Variants in AKNA observed in about 807,000 individuals in gnomAD.
AKNA encodes the protein microtubule organization protein AKNA.
A neutral mutation model predicts 138.8 loss-of-function variants in AKNA; 67 were observed. The ratio of observed to expected loss-of-function variants is 0.48; its 90% CI spans 0.40 to 0.59. The LOEUF is 0.59. Ranked by LOEUF, AKNA falls within the 20% of genes least tolerant of loss-of-function variation. AKNA has a pLI of 0.00. For missense variants in AKNA, 1,813 were observed against 1,880.4 expected (o/e 0.96, Z 0.66); for synonymous variants, 737 against 754.4 (o/e 0.98, Z 0.38).
chr9:114,341,608 G>A lies in AKNA; in HGVS notation c.3992C>T (p.Ala1331Val), dbSNP rs766071960. Residue 1331 changes from alanine to valine, a missense_variant, in exon 21 of 22, where the codon GCG (alanine) becomes GTG (valine). Coordinates refer to ENST00000374088, the MANE Select transcript of AKNA (RefSeq NM_001317950.2). Reference sequence around the variant, plus strand: ...GGCTGGAGGGGCTGGTGCTGGGGGCGCTGTTGCCAGATACCACAGTCCGGG... The same window carrying A: ...GGCTGGAGGGGCTGGTGCTGGGGGCACTGTTGCCAGATACCACAGTCCGGG... ...PPPGLWYLAT[A>V]PPAPAPPAFA... 6.2e-6 allele frequency: 10 copies of A among 1,613,782 alleles called. No homozygotes were observed. The highest frequency in any genetic ancestry group is 1.7e-5 in the Admixed American group (1 of 59,938).
intron 6 of AKNA, 74 bp downstream of exon 6, chr9:114,367,466 CTCA>C: frequency 3.2e-6 from 5 of 1,545,474 alleles, no homozygotes; most frequent in Non-Finnish European, 4.4e-6. Context: ...CAGAGTGCCT[CTCA>C]CCCAAGCAGG....
intron 14 of AKNA, among the ~76,000 whole-genome samples, chr9:114,351,888 C>T (rs10982177): frequency 0.13 from 20,317 of 152,078 alleles, 1,811 homozygotes; most frequent in East Asian, 0.5. Flanking sequence ...GAATACTACT[C>T]AGCAATATAT....
chr9:114,397,713 C>T (rs1834574798), upstream of AKNA, among the ~76,000 whole-genome samples: 1 of 152,176 alleles, frequency 6.6e-6, no homozygotes, highest in African/African-American at 2.4e-5. Flanking sequence ...TGCTGTGCAC[C>T]CTTGGGCCAG....
chr9:114,338,966 G>A lies in AKNA; in HGVS notation c.4068-1660C>T, dbSNP rs146200031. Among the ~76,000 whole-genome samples, 3 of 152,278 alleles carry A rather than the reference G, an allele frequency of 2.0e-5. No individual in the cohort carries two copies. The East Asian group carries it at 5.8e-4, about 29-fold the overall frequency. On this transcript the variant is annotated intron_variant, in intron 21 of 21. Coordinates refer to ENST00000374088, the MANE Select transcript of AKNA (RefSeq NM_001317950.2). ...TAAAATAATCTGAACTGTATGAACG[G>A]GCTTCTTGCATCCCCAAAACAGCAG...
At position 114,385,310 on chromosome 9, in the gene AKNA, G is replaced by A. The variant is rs541462617; in HGVS notation, c.-114+2550C>T. ...TCCTGAAACAACCTGCAGAGAGCCTGACTCAGTGGCCCTGGGATAGGGCCC... is the reference window on the plus strand; with the variant it reads ...TCCTGAAACAACCTGCAGAGAGCCTAACTCAGTGGCCCTGGGATAGGGCCC... On this transcript the variant is annotated intron_variant, in intron 1 of 21. Transcript: ENST00000374088. 2.0e-5 allele frequency among the ~76,000 whole-genome samples: 3 copies of A among 152,328 alleles called. No homozygotes were observed. The East Asian group carries it at 5.8e-4, about 29-fold the overall frequency.
intron 1 of AKNA, among the ~76,000 whole-genome samples, chr9:114,387,649 T>C (rs1834134329): frequency 6.6e-6 from 1 of 152,198 alleles, no homozygotes; most frequent in Non-Finnish European, 1.5e-5. Flanking sequence ...GACTGGAATC[T>C]AGCATCCTGA....
In AKNA at chr9:114,341,655, C is replaced by T. The variant is rs767402402; in HGVS notation, c.3945G>A (p.Ala1315=). The change falls in exon 21 of 22, where the codon GCG becomes GCA. Residue 1315 remains alanine, a synonymous_variant. Coordinates refer to ENST00000374088, the MANE Select transcript of AKNA (RefSeq NM_001317950.2). ...CGGGGGGTGGGCGTGGCGACGACCC[C>T]GCCTGCTTGCTCCTCTGCTTGGGGC... ...TPSPKQRSKQ[A]GSSPRPPPGL... The T allele has an allele frequency of 8.7e-6, 14 of 1,609,580 alleles. No individual in the cohort carries two copies. Among genetic ancestry groups the T allele is most frequent in the Non-Finnish European group, 1.2e-5 (14 of 1,178,428 alleles).
At chr9:114,363,348 G>A (rs190795753) in intron 7 of AKNA, among the ~76,000 whole-genome samples, 1 of 152,332 alleles carries the variant, frequency 6.6e-6, no homozygotes, top group East Asian at 1.9e-4. Context: ...TCAACTCTGA[G>A]GAGAGACAGA....
chr9:114,333,201 A>G, downstream of AKNA: 1 of 1,123,458 alleles, frequency 8.9e-7, no homozygotes. Flanking sequence ...CGACATGTGT[A>G]CCTCAGCTTT....
chr9:114,358,540 A>C (rs1831672459), intron 11 of AKNA, among the ~76,000 whole-genome samples: 1 of 152,184 alleles, frequency 6.6e-6, no homozygotes, highest in Non-Finnish European at 1.5e-5. Context: ...TCAGTGTGTC[A>C]TGTGACAAAC....
At position 114,383,303 on chromosome 9, in the gene AKNA, A is replaced by G. The variant is rs138510986; in HGVS notation, c.-113-1857T>C. 595 of 439,750 alleles carry G rather than the reference A, an allele frequency of 1.4e-3. 8 individuals carry two copies. In the East Asian group the frequency reaches 0.035, roughly 26 times the overall value. 27.2% of individuals were successfully genotyped at this position (439,750 alleles called of 1,614,324 possible). The stretch of plus-strand genomic sequence containing the variant: ...CTTTCCCTCTTTCCTTCTCCCTCTC[A>G]TCTCCTTTTGCCTCTTCCTTCTGAC... On this transcript the variant is annotated intron_variant, in intron 1 of 21. Coordinates refer to ENST00000374088, the MANE Select transcript of AKNA (RefSeq NM_001317950.2).
chr9:114,395,031 C>T (rs1054984549), upstream of AKNA, among the ~76,000 whole-genome samples: 3 of 152,230 alleles, frequency 2.0e-5, no homozygotes, highest in Middle Eastern at 3.4e-3. Context: ...AGGTCTCACT[C>T]GGCAATGGAG....
At position 114,337,099 on chromosome 9, in the gene AKNA, G is replaced by A. The variant is rs144199745; in HGVS notation, c.4275C>T (p.Ala1425=). The change falls in exon 22 of 22, where the codon GCC becomes GCT. Residue 1425 remains alanine (A), a synonymous_variant. Coordinates refer to ENST00000374088, the MANE Select transcript of AKNA (RefSeq NM_001317950.2). ...TTRQMRSSLS[A]DLRQAHSLRG... is the part of the protein sequence containing the mutation. ...GCAGGCTGTGAGCCTGGCGCAGGTC[G>A]GCTGACAGCGAGCTTCTCATCTGCC... is the stretch of plus-strand genomic sequence containing the variant. The A allele has an allele frequency of 1.7e-4, 270 of 1,599,356 alleles. No homozygotes were observed. The African/African-American group carries it at 2.1e-3, about 12-fold the overall frequency.
Position 114,344,888 on chromosome 9 carries a change from T to G in AKNA, c.3661+975A>C. 3.9e-5 allele frequency: 6 copies of G among 153,414 alleles called. No homozygotes were observed. In the Middle Eastern group the frequency reaches 5.6e-3, roughly 144 times the overall value. The allele number at this position is 153,414 out of a possible 1,614,324, so 9.5% of individuals were successfully genotyped here. ...TTGGCCTCTGTCCACTCCCTCGTTA[T>G]GGTCCATGGAGCAGAATGTGCCTCT... is the stretch of plus-strand genomic sequence containing the variant. On this transcript the variant is annotated intron_variant, in intron 18 of 21. Coordinates refer to ENST00000374088, the MANE Select transcript of AKNA (RefSeq NM_001317950.2).
rs1025226990 is a variant in AKNA at position 114,353,091 on chromosome 9, A to C, written c.3059-2070T>G. On this transcript the variant is annotated intron_variant, in intron 14 of 21. Coordinates refer to ENST00000374088, the MANE Select transcript of AKNA (RefSeq NM_001317950.2). ...CTGTTCACCTTGTAAAAACTCATCAATTTAAGTTCTTTTTGGTGGTTTTTA... is the reference window on the plus strand; with the variant it reads ...CTGTTCACCTTGTAAAAACTCATCACTTTAAGTTCTTTTTGGTGGTTTTTA... Among the ~76,000 whole-genome samples the C allele has an allele frequency of 1.1e-4, 16 of 152,270 alleles. No individual in the cohort carries two copies. In the East Asian group the frequency reaches 2.9e-3, roughly 28 times the overall value.
Position 114,346,659 on chromosome 9 carries a change from G to A in AKNA, c.3514+10C>T, listed in dbSNP as rs1357982386. The A allele has an allele frequency of 1.3e-6, 2 of 1,592,518 alleles. No individual in the cohort carries two copies. Among genetic ancestry groups the A allele is most frequent in the Non-Finnish European group, 1.7e-6 (2 of 1,167,706 alleles). On this transcript the variant is annotated intron_variant, in intron 17 of 21. Coordinates refer to ENST00000374088, the MANE Select transcript of AKNA (RefSeq NM_001317950.2). Reference sequence around the variant, plus strand: ...CCTCTGGAAATCAGCCTTTGCAGGTGGTCACTTACTCAGGGACAGTCGGAG... The same window carrying A: ...CCTCTGGAAATCAGCCTTTGCAGGTAGTCACTTACTCAGGGACAGTCGGAG...
At chr9:114,364,512 C>G in intron 7 of AKNA, 48 bp downstream of exon 7, 1 of 1,587,566 alleles carries the variant, frequency 6.3e-7, no homozygotes, top group Non-Finnish European at 8.6e-7. Context: ...TCATGGGAGA[C>G]AGTGGTTGTC....
intron 18 of AKNA, chr9:114,344,521 C>T (rs1830555961): frequency 6.6e-6 from 1 of 152,384 alleles, no homozygotes; most frequent in African/African-American, 2.4e-5. Context: ...CTCATCATCT[C>T]ATTTCCCTCC....
intron 16 of AKNA, among the ~76,000 whole-genome samples, chr9:114,347,396 T>A (rs1179082865): frequency 1.3e-5 from 2 of 152,044 alleles, no homozygotes; most frequent in Non-Finnish European, 2.9e-5. Context: ...ATTTTTGTGT[T>A]TTTAGTAGAG....
Sources: allele counts gnomAD v4.1 joint callset (sites outside exome capture counted in the v4.1 genomes callset), GRCh38; gene constraint gnomAD v4.1.1; transcripts MANE v1.5; gene names NCBI Gene and HGNC (gene_info 2026-07-23, HGNC 2026-07-21).